ZNF407: variants seen among roughly 807,000 people sequenced by gnomAD.
ZNF407 encodes the protein zinc finger protein 407.
A neutral mutation model predicts 131.2 loss-of-function variants in ZNF407; 17 were observed. The observed-to-expected ratio is 0.13, with a 90% CI of 0.09 to 0.19. ZNF407 has a LOEUF of 0.19. Among genes scored for constraint, ZNF407 ranks in the 10% least tolerant of loss-of-function variants. The pLI is 1.00. For missense variants in ZNF407, 2,681 were observed against 2,830.6 expected (o/e 0.95, Z 1.20); for synonymous variants, 1,156 against 1,062.0 (o/e 1.09, Z -1.72).
intron 3 of ZNF407, among the ~76,000 whole-genome samples, chr18:74,681,011 C>T (rs886944410): frequency 6.6e-6 from 1 of 151,934 alleles, no homozygotes; most frequent in Non-Finnish European, 1.5e-5. Flanking sequence ...TGCTTGGCCC[C>T]GGAAATAAAA....
intron 3 of ZNF407, among the ~76,000 whole-genome samples, chr18:74,760,030 A>G (rs1969060297): frequency 1.3e-5 from 2 of 151,940 alleles, no homozygotes; most frequent in African/African-American, 4.8e-5. Flanking sequence ...GTAGTCATTT[A>G]AATAATGTAA....
chr18:74,979,267 A>C (rs1972561619), intron 8 of ZNF407, among the ~76,000 whole-genome samples: 1 of 152,170 alleles, frequency 6.6e-6, no homozygotes, highest in African/African-American at 2.4e-5. Flanking sequence ...GGTTATCAAC[A>C]TTTAAAATTA....
At chr18:74,663,125 G>C (rs902662119) in intron 3 of ZNF407, among the ~76,000 whole-genome samples, 1 of 151,346 alleles carries the variant, frequency 6.6e-6, no homozygotes, top group African/African-American at 2.4e-5. Flanking sequence ...AAGCAACCTA[G>C]TTTTTTTTTA....
chr18:74,679,896 T>C (rs1334291996), intron 3 of ZNF407, among the ~76,000 whole-genome samples: 1 of 152,268 alleles, frequency 6.6e-6, no homozygotes, highest in Non-Finnish European at 1.5e-5. Context: ...TGCCCTGTTA[T>C]GCTTTCATCT....
chr18:74,966,276 G>A (rs1330575008), intron 8 of ZNF407, among the ~76,000 whole-genome samples: 3 of 152,092 alleles, frequency 2.0e-5, no homozygotes, highest in Non-Finnish European at 4.4e-5. Context: ...GTGTTTTCTT[G>A]TAGTACTTTC....
chr18:74,897,219 A>C (rs1254458325), intron 7 of ZNF407, among the ~76,000 whole-genome samples: 1 of 152,230 alleles, frequency 6.6e-6, no homozygotes, highest in African/African-American at 2.4e-5. Context: ...AAGATCTTAC[A>C]AACTTGAAAA....
chr18:74,925,354 A>G (rs1187162429), intron 8 of ZNF407, among the ~76,000 whole-genome samples: 1 of 152,132 alleles, frequency 6.6e-6, no homozygotes, highest in Non-Finnish European at 1.5e-5. Flanking sequence ...TATTCCCTAC[A>G]TTTGCCTCTT....
chr18:74,844,083 A>G (rs916448663), intron 4 of ZNF407, among the ~76,000 whole-genome samples: 4 of 152,120 alleles, frequency 2.6e-5, no homozygotes, highest in Non-Finnish European at 5.9e-5. Context: ...CTGCCACGAA[A>G]CATTGTCAGC....
At chr18:74,748,453 A>T (rs1479763491) in intron 3 of ZNF407, among the ~76,000 whole-genome samples, 1 of 152,164 alleles carries the variant, frequency 6.6e-6, no homozygotes, top group African/African-American at 2.4e-5. Flanking sequence ...ATTTAAAATT[A>T]GCTGACATAT....
At chr18:74,701,474 T>C (rs1030318561) in intron 3 of ZNF407, among the ~76,000 whole-genome samples, 1 of 152,228 alleles carries the variant, frequency 6.6e-6, no homozygotes, top group African/African-American at 2.4e-5. Context: ...TGTTTCATGC[T>C]ATGTATGTAT....
intron 4 of ZNF407, among the ~76,000 whole-genome samples, chr18:74,859,944 G>A (rs1448151614): frequency 6.6e-6 from 1 of 152,102 alleles, no homozygotes; most frequent in African/African-American, 2.4e-5. Flanking sequence ...AGAAACAAAT[G>A]GTGTCCTCTC....
intron 3 of ZNF407, among the ~76,000 whole-genome samples, chr18:74,697,518 T>G (rs1192581853): frequency 6.6e-6 from 1 of 152,162 alleles, no homozygotes; most frequent in Non-Finnish European, 1.5e-5. Context: ...AATGTCAAAT[T>G]TAACATGGCT....
In ZNF407 at chr18:74,633,786, C is replaced by T. The variant is rs1984271885; in HGVS notation, c.2767C>T (p.Pro923Ser). 1 of 1,613,728 alleles carries T rather than the reference C, an allele frequency of 6.2e-7. No homozygotes were observed. Among genetic ancestry groups the T allele is most frequent in the African/African-American group, 1.3e-5 (1 of 74,932 alleles). Residue 923 changes from proline to serine, a missense_variant, in exon 2 of 9, where the codon CCT becomes TCT. Transcript: ENST00000299687. ...ACACAGTTCAGATATCATTGTTGGCCCTGAAGGGGGTAGCCTTGAAGCTGG... is the reference window on the plus strand; with the variant it reads ...ACACAGTTCAGATATCATTGTTGGCTCTGAAGGGGGTAGCCTTGAAGCTGG... Reference protein sequence around the residue: ...GKHSSDIIVGPEGGSLEAGKK... With the variant: ...GKHSSDIIVGSEGGSLEAGKK...
chr18:74,862,921 CTT>C (rs34268986), intron 4 of ZNF407, among the ~76,000 whole-genome samples: 9 of 138,480 alleles, frequency 6.5e-5, no homozygotes, highest in African/African-American at 7.9e-5. Context: ...TTATTTCTCA[CTT>C]TTTTTTTTTT....
chr18:74,758,422 A>G (rs556587748), intron 3 of ZNF407, among the ~76,000 whole-genome samples: 119 of 152,262 alleles, frequency 7.8e-4, no homozygotes, highest in African/African-American at 2.7e-3. Flanking sequence ...TCAATACTGT[A>G]TAAAAGCTCC....
rs571667088 is a variant in ZNF407, at chr18:74,792,120, T to C, written c.4877+10618T>C. ...GATTTTGGTGAAACTGATGTGGATTTACAGTTCTAAAATACAAAAACAATC... is the reference window on the plus strand; with the variant it reads ...GATTTTGGTGAAACTGATGTGGATTCACAGTTCTAAAATACAAAAACAATC... On this transcript the variant is annotated intron_variant, in intron 4 of 8. Transcript: ENST00000299687. Among the ~76,000 whole-genome samples the C allele has an allele frequency of 6.9e-4, 105 of 152,304 alleles. 1 individual carries two copies. Among genetic ancestry groups the C allele is most frequent in the African/African-American group, 2.4e-3 (100 of 41,560 alleles).
At chr18:74,859,191 T>C (rs1006476967) in intron 4 of ZNF407, among the ~76,000 whole-genome samples, 1 of 152,242 alleles carries the variant, frequency 6.6e-6, no homozygotes, top group East Asian at 1.9e-4. Flanking sequence ...TGTTGAAAGT[T>C]ATAGCTGAAA....
At chr18:74,704,105 A>G (rs548684026) in intron 3 of ZNF407, among the ~76,000 whole-genome samples, 3 of 152,318 alleles carry the variant, frequency 2.0e-5, no homozygotes, top group African/African-American at 7.2e-5. Context: ...CTGGTCAGGC[A>G]TGGCCATGAG....
At chr18:74,789,870 T>TC (rs1212814519) in intron 4 of ZNF407, among the ~76,000 whole-genome samples, 2 of 131,288 alleles carry the variant, frequency 1.5e-5, no homozygotes, top group African/African-American at 5.6e-5. Context: ...TTTTTTTTTT[T>TC]CCTCTGTACT....
Sources: gnomAD v4.1 joint callset for allele counts (sites outside exome capture counted in the v4.1 genomes callset) on GRCh38, gnomAD v4.1.1 for gene constraint, MANE v1.5 for transcripts, NCBI Gene and HGNC (gene_info 2026-07-23, HGNC 2026-07-21) for gene names.